TWSG1: variants seen among roughly 807,000 people sequenced by gnomAD.
The protein encoded by TWSG1 is twisted gastrulation protein homolog 1.
TWSG1 carries 15 observed loss-of-function variants against 23.0 expected under a neutral mutation model. The ratio of observed to expected loss-of-function variants is 0.65; its 90% CI spans 0.44 to 1.00. TWSG1 has a LOEUF of 1.00. Among genes scored for constraint, TWSG1 ranks in the 50% least tolerant of loss-of-function variants. TWSG1 has a pLI of 0.00. For synonymous variants in TWSG1, 86 were observed against 92.8 expected (o/e 0.93, Z 0.42); for missense variants, 242 against 278.7 (o/e 0.87, Z 0.94).
Position 9,400,142 on chromosome 18 carries a change from A to C in TWSG1, c.*615A>C, listed in dbSNP as rs1392648252. 6.6e-6 allele frequency: 1 copy of C among 152,192 alleles called. No homozygotes were observed. Among genetic ancestry groups the C allele is most frequent in the Non-Finnish European group, 1.5e-5 (1 of 68,026 alleles). 9.4% of individuals were successfully genotyped at this position (152,192 alleles called of 1,614,324 possible). On this transcript the variant is annotated 3_prime_UTR_variant, in exon 5 of 5. Coordinates refer to ENST00000262120, the MANE Select transcript of TWSG1 (RefSeq NM_020648.6). ...TCTTACATAGTAGAATCCATTCTAT[A>C]ATACATGTGTTGACAAAGCTTTAGA...
intron 2 of TWSG1, among the ~76,000 whole-genome samples, chr18:9,346,075 T>C (rs2040476204): frequency 6.6e-6 from 1 of 152,206 alleles, no homozygotes; most frequent in Non-Finnish European, 1.5e-5. Flanking sequence ...ATGTCTTGTA[T>C]CTACCATTAC....
intron 3 of TWSG1, among the ~76,000 whole-genome samples, chr18:9,384,971 CAG>C (rs2040675534): frequency 6.6e-6 from 1 of 152,062 alleles, no homozygotes; most frequent in African/African-American, 2.4e-5. Flanking sequence ...CTTTAGTAAA[CAG>C]ATTGGAAGGA....
intron 3 of TWSG1, among the ~76,000 whole-genome samples, chr18:9,368,773 C>T (rs2040591364): frequency 1.3e-5 from 2 of 152,100 alleles, no homozygotes; most frequent in Non-Finnish European, 2.9e-5. Context: ...CATGGTGAAA[C>T]TCCGTCTCTA....
intron 2 of TWSG1, among the ~76,000 whole-genome samples, chr18:9,344,464 G>A (rs2040464798): frequency 6.8e-6 from 1 of 147,606 alleles, no homozygotes; most frequent in Admixed American, 6.7e-5. Context: ...ATGATGTTGA[G>A]CATCTTTTTA....
At chr18:9,364,571 A>G (rs1321471802) in intron 3 of TWSG1, among the ~76,000 whole-genome samples, 1 of 152,002 alleles carries the variant, frequency 6.6e-6, no homozygotes, top group Non-Finnish European at 1.5e-5. Context: ...GAGGGGGCGA[A>G]TCACCTTAAG....
intron 3 of TWSG1, among the ~76,000 whole-genome samples, chr18:9,362,318 C>T (rs2040556307): frequency 1.3e-5 from 2 of 152,260 alleles, no homozygotes; most frequent in African/African-American, 4.8e-5. Context: ...AGCAGTCCTC[C>T]TGCCTCAGCC....
At chr18:9,354,965 T>C (rs1461165502) in intron 2 of TWSG1, among the ~76,000 whole-genome samples, 3 of 152,004 alleles carry the variant, frequency 2.0e-5, no homozygotes, top group African/African-American at 7.2e-5. Flanking sequence ...AAGTTTTCTT[T>C]TTTTTTTTGA....
Position 9,392,185 on chromosome 18 carries a change from G to A in TWSG1, c.224-4095G>A, listed in dbSNP as rs143736996. Among the ~76,000 whole-genome samples the A allele has an allele frequency of 1.9e-3, 283 of 152,322 alleles. 1 individual carries two copies. The highest frequency in any genetic ancestry group is 3.4e-3 in the Middle Eastern group (1 of 294). ...CAGGCATTGACTTCTTTCTAGCTAG[G>A]AAAGTCCTAGATAGCATCATCTTAC... On this transcript the variant is annotated intron_variant, in intron 3 of 4. Coordinates refer to ENST00000262120, the MANE Select transcript of TWSG1 (RefSeq NM_020648.6).
chr18:9,386,213 G>A (rs1001862370), intron 3 of TWSG1, among the ~76,000 whole-genome samples: 1 of 150,192 alleles, frequency 6.7e-6, no homozygotes, highest in African/African-American at 2.5e-5. Flanking sequence ...TAATCCCAAC[G>A]TTTTGGGAGA....
At chr18:9,360,114 A>G (rs930155587) in intron 3 of TWSG1, 43 bp downstream of exon 3, 1 of 1,520,128 alleles carries the variant, frequency 6.6e-7, no homozygotes, top group Non-Finnish European at 9.1e-7. Context: ...TTCTTATCAC[A>G]GAATCCTTGG....
chr18:9,382,522 C>CA (rs1279122476), intron 3 of TWSG1, among the ~76,000 whole-genome samples: 7 of 147,328 alleles, frequency 4.8e-5, no homozygotes, highest in East Asian at 2.0e-4. Flanking sequence ...GACTCTGTCT[C>CA]AAAAAAAAAG....
Position 9,399,833 on chromosome 18 carries a change from G to A in TWSG1, c.*306G>A. 1 of 201,952 alleles carries A rather than the reference G, an allele frequency of 5.0e-6. No homozygotes were observed. The highest frequency in any genetic ancestry group is 1.2e-4 in the East Asian group (1 of 8,274). 12.5% of individuals were successfully genotyped at this position (201,952 alleles called of 1,614,324 possible). A position where few individuals can be genotyped will look rare whatever the true frequency, so the allele number is the denominator to read the frequency against. On this transcript the variant is annotated 3_prime_UTR_variant, in exon 5 of 5. Transcript: ENST00000262120. Reference sequence around the variant, plus strand: ...TGAGGTTTTTAACATGAAGTCTGACGTGGTTTTCCTCTAGCATTCCAAAAG... The same window carrying A: ...TGAGGTTTTTAACATGAAGTCTGACATGGTTTTCCTCTAGCATTCCAAAAG...
intron 3 of TWSG1, among the ~76,000 whole-genome samples, chr18:9,371,084 T>A (rs757595813): frequency 6.6e-6 from 1 of 152,078 alleles, no homozygotes; most frequent in Non-Finnish European, 1.5e-5. Flanking sequence ...CCTATTAGAT[T>A]TATGTAACTT....
rs1370772241 is a variant in TWSG1, at chr18:9,400,338, G to GAGC, written c.*813_*815dup. The GAGC allele has an allele frequency of 1.3e-5, 2 of 152,168 alleles. No individual in the cohort carries two copies. Among genetic ancestry groups the GAGC allele is most frequent in the Non-Finnish European group, 2.9e-5 (2 of 68,032 alleles). 9.4% of individuals were successfully genotyped at this position (152,168 alleles called of 1,614,324 possible). A position where few individuals can be genotyped will look rare whatever the true frequency, so the allele number is the denominator to read the frequency against. On this transcript the variant is annotated 3_prime_UTR_variant, in exon 5 of 5. Transcript: ENST00000262120. Reference sequence around the variant, plus strand: ...CTGTGACTTCAGGTACCAGCTTAAAGAGCACTAGGGATGGGGAACGAATGC... The same window carrying GAGC: ...CTGTGACTTCAGGTACCAGCTTAAAGAGCAGCACTAGGGATGGGGAACGAATGC...
In TWSG1 at chr18:9,400,254, T is replaced by G. The variant is rs1568042066; in HGVS notation, c.*727T>G. 6.6e-6 allele frequency: 1 copy of G among 151,966 alleles called. No homozygotes were observed. Among genetic ancestry groups the G allele is most frequent in the Non-Finnish European group, 1.5e-5 (1 of 68,032 alleles). The allele number at this position is 151,966 out of a possible 1,614,324, so 9.4% of individuals were successfully genotyped here. ...AATCTTTACCAAGATTTTCAGGGTG[T>G]ACCTATGAAATTGCTTTAAATGCAC... On this transcript the variant is annotated 3_prime_UTR_variant, in exon 5 of 5. Transcript: ENST00000262120.
At chr18:9,379,710 A>G (rs1369461864) in intron 3 of TWSG1, among the ~76,000 whole-genome samples, 1 of 152,240 alleles carries the variant, frequency 6.6e-6, no homozygotes, top group African/African-American at 2.4e-5. Context: ...GGAAAAAACT[A>G]TAATGGACAA....
chr18:9,389,804 T>G (rs1170906643), intron 3 of TWSG1, among the ~76,000 whole-genome samples: 1 of 152,360 alleles, frequency 6.6e-6, no homozygotes, highest in South Asian at 2.1e-4. Flanking sequence ...TGAAACATAA[T>G]TTAGCTTTCA....
At chr18:9,387,185 T>C (rs1212336862) in intron 3 of TWSG1, among the ~76,000 whole-genome samples, 3 of 152,194 alleles carry the variant, frequency 2.0e-5, no homozygotes, top group Admixed American at 6.5e-5. Flanking sequence ...AAGCATATCA[T>C]TGAGAAGCAG....
At chr18:9,363,210 T>C (rs1376318628) in intron 3 of TWSG1, among the ~76,000 whole-genome samples, 1 of 152,210 alleles carries the variant, frequency 6.6e-6, no homozygotes, top group Non-Finnish European at 1.5e-5. Context: ...TTCTCTTTTC[T>C]GATTTTTTCT....
Sources: allele counts gnomAD v4.1 joint callset (sites outside exome capture counted in the v4.1 genomes callset), GRCh38; gene constraint gnomAD v4.1.1; transcripts MANE v1.5; gene names NCBI Gene and HGNC (gene_info 2026-07-23, HGNC 2026-07-21).